OR7E24: variants seen among roughly 807,000 people sequenced by gnomAD.
OR7E24 encodes olfactory receptor 7E24.
For missense variants in OR7E24, 385 were observed against 410.3 expected, an observed-to-expected ratio of 0.94 and a Z score of 0.53; for synonymous variants, 130 against 157.5, an observed-to-expected ratio of 0.83 and a Z score of 1.31.
upstream of OR7E24, among the ~76,000 whole-genome samples, chr19:9,248,498 T>G (rs890801270): frequency 9.9e-5 from 15 of 152,048 alleles, no homozygotes; most frequent in Non-Finnish European, 1.9e-4. Context: ...CTTCCCCCCC[T>G]CGAATCCGTG....
At chr19:9,218,430 A>G in the OR7E24 span, among the ~76,000 whole-genome samples, 1 of 152,210 alleles carries the variant, frequency 6.6e-6, no homozygotes, top group Admixed American at 6.5e-5. Flanking sequence ...AATGCATTTG[A>G]AAAAGATTAT....
the OR7E24 span, among the ~76,000 whole-genome samples, chr19:9,218,494 C>T: frequency 6.6e-6 from 1 of 152,064 alleles, no homozygotes; most frequent in African/African-American, 2.4e-5. Context: ...ATTGCTTAAC[C>T]CGATAAACAA....
rs757141110 is a variant in OR7E24, at chr19:9,251,239, G to T, written c.196G>T (p.Ala66Ser). The change falls in exon 1 of 1, where the codon GCT (alanine) becomes TCT (serine). Residue 66 changes from alanine to serine, a missense_variant. By Grantham distance (99) the Ala-to-Ser change is moderately conservative. Coordinates refer to ENST00000456448, the MANE Select transcript of OR7E24 (RefSeq NM_001079935.2). ...GCTGGGGAACCTGCTCATCATCCTG[G>T]CTGTCAGCTCTGACTCCCACCTCCA... Reference protein sequence around the residue: ...TVLGNLLIILAVSSDSHLHTP... With the variant: ...TVLGNLLIILSVSSDSHLHTP... 3.1e-6 allele frequency: 5 copies of T among 1,613,830 alleles called. No homozygotes were observed. The South Asian group carries it at 5.5e-5, about 18-fold the overall frequency.
the OR7E24 span, among the ~76,000 whole-genome samples, chr19:9,221,542 G>T: frequency 9.1e-6 from 1 of 109,748 alleles, no homozygotes; most frequent in Non-Finnish European, 1.6e-5. Flanking sequence ...AGTAGAGACG[G>T]GGTTATCACC....
chr19:9,234,534 A>G, the OR7E24 span, among the ~76,000 whole-genome samples: 1 of 152,210 alleles, frequency 6.6e-6, no homozygotes, highest in Non-Finnish European at 1.5e-5. Flanking sequence ...ATAGTTAACA[A>G]CATTGTATTG....
At chr19:9,247,200 CTCT>C (rs1475250808), upstream of OR7E24, 3 of 328,428 alleles carry the variant, frequency 9.1e-6, no homozygotes, top group Non-Finnish European at 1.1e-5. Context: ...CATTCATTTC[CTCT>C]TCTTCTTCCT....
Position 9,251,290 on chromosome 19 carries a change from A to G in OR7E24, c.247A>G (p.Asn83Asp), listed in dbSNP as rs1294896022. 2 of 1,613,904 alleles carry G rather than the reference A, an allele frequency of 1.2e-6. No individual in the cohort carries two copies. Among genetic ancestry groups the G allele is most frequent in the Non-Finnish European group, 1.7e-6 (2 of 1,179,976 alleles). The change falls in exon 1 of 1, where the codon AAC becomes GAC. Residue 83 changes from asparagine to aspartate, a missense_variant. Transcript: ENST00000456448. ...LHTPMYFFLSNLSLADIGFTS... is the reference protein window; with the variant it reads ...LHTPMYFFLSDLSLADIGFTS... ...CACCCCCATGTACTTCTTCCTCTCC[A>G]ACCTGTCCTTGGCTGACATCGGTTT...
At chr19:9,225,400 G>A in the OR7E24 span, among the ~76,000 whole-genome samples, 1 of 140,028 alleles carries the variant, frequency 7.1e-6, no homozygotes, top group Non-Finnish European at 1.6e-5. Context: ...GGAGGGGAAG[G>A]AAGGGAAGGA....
the OR7E24 span, among the ~76,000 whole-genome samples, chr19:9,239,912 T>C: frequency 1.3e-5 from 2 of 152,096 alleles, no homozygotes; most frequent in African/African-American, 4.8e-5. Flanking sequence ...TTTCACCATA[T>C]TGGTCAGGCT....
At chr19:9,223,873 C>T in the OR7E24 span, among the ~76,000 whole-genome samples, 7 of 150,938 alleles carry the variant, frequency 4.6e-5, no homozygotes, top group East Asian at 1.2e-3. Flanking sequence ...TTTTTTCAGA[C>T]TGAATCTTGC....
At chr19:9,209,112 G>A in the OR7E24 span, 1 of 152,138 alleles carries the variant, frequency 6.6e-6, no homozygotes, top group African/African-American at 2.4e-5. Context: ...GATGGGAAAT[G>A]TTTGGATTGT....
At chr19:9,243,223 C>G (rs555635117), upstream of OR7E24, among the ~76,000 whole-genome samples, 1 of 152,168 alleles carries the variant, frequency 6.6e-6, no homozygotes, top group Middle Eastern at 3.4e-3. Flanking sequence ...CTAAGACCCT[C>G]CCGCCATCTC....
upstream of OR7E24, among the ~76,000 whole-genome samples, chr19:9,244,956 C>G (rs2066125035): frequency 6.6e-6 from 1 of 152,186 alleles, no homozygotes; most frequent in South Asian, 2.1e-4. Context: ...ATAATCCCAG[C>G]ACTCTGGGAG....
upstream of OR7E24, among the ~76,000 whole-genome samples, chr19:9,244,700 C>T (rs950395985): frequency 6.6e-6 from 1 of 152,168 alleles, no homozygotes; most frequent in East Asian, 1.9e-4. Flanking sequence ...GAATATGTCA[C>T]CAAAAGCACA....
chr19:9,250,562 A>T (rs1190183948), upstream of OR7E24, among the ~76,000 whole-genome samples: 2 of 152,222 alleles, frequency 1.3e-5, no homozygotes, highest in African/African-American at 2.4e-5. Flanking sequence ...GTATGTAAAG[A>T]TGTTTTCTGG....
the OR7E24 span, among the ~76,000 whole-genome samples, chr19:9,223,860 T>G: frequency 2.0e-5 from 3 of 150,012 alleles, no homozygotes; most frequent in African/African-American, 5.0e-5. Flanking sequence ...GAGTCTTGGC[T>G]TTTTTTTTCA....
the OR7E24 span, among the ~76,000 whole-genome samples, chr19:9,225,137 G>A: frequency 6.6e-6 from 1 of 152,124 alleles, no homozygotes; most frequent in Non-Finnish European, 1.5e-5. Context: ...CACATTGGGA[G>A]ACTGAGGTGG....
chr19:9,226,643 G>A, the OR7E24 span, among the ~76,000 whole-genome samples: 5 of 152,142 alleles, frequency 3.3e-5, no homozygotes, highest in Admixed American at 6.5e-5. Flanking sequence ...TCTTTATTAC[G>A]GCTAGCAGAT....
At chr19:9,213,880 G>T in the OR7E24 span, 2 of 1,586,998 alleles carry the variant, frequency 1.3e-6, no homozygotes, top group South Asian at 1.1e-5. Context: ...TGTCCTCTTA[G>T]TTCTGAGGCC....
Sources: gnomAD v4.1 joint callset for allele counts (sites outside exome capture counted in the v4.1 genomes callset) on GRCh38, gnomAD v4.1.1 for gene constraint, MANE v1.5 for transcripts, NCBI Gene and HGNC (gene_info 2026-07-23, HGNC 2026-07-21) for gene names.